KLK8: variants seen among roughly 807,000 people sequenced by gnomAD.
KLK8 encodes the protein kallikrein-8.
KLK8 carries 18 observed loss-of-function variants against 26.7 expected under a neutral mutation model. The observed-to-expected ratio is 0.67, with a 90% CI of 0.47 to 1.00. KLK8 has a LOEUF of 1.00. KLK8 is among the 50% of genes least tolerant of loss of function. The pLI is 0.00. For synonymous variants in KLK8, 137 were observed against 127.1 expected (o/e 1.08, Z -0.52); for missense variants, 301 against 331.7 (o/e 0.91, Z 0.72).
intron 5 of KLK8, among the ~76,000 whole-genome samples, chr19:50,999,583 CAAAAAAAAAAAAAAAAAAAAAA>C (rs56988162): frequency 5.7e-3 from 173 of 30,292 alleles, no homozygotes; most frequent in Middle Eastern, 0.023. Flanking sequence ...TGTCCCCCTG[CAAAAAAAAAAAAAAAAAAAAAA>C]AAAAAAAAAA....
intron 3 of KLK8, chr19:51,000,802 T>A: frequency 1.5e-6 from 2 of 1,378,018 alleles, no homozygotes; most frequent in Non-Finnish European, 2.0e-6. Flanking sequence ...TGCTTCCACA[T>A]GAGTCTACAG....
chr19:51,001,034 A>G, intron 3 of KLK8, 64 bp downstream of exon 2: 1 of 1,450,590 alleles, frequency 6.9e-7, no homozygotes, highest in Non-Finnish European at 9.5e-7. Flanking sequence ...ATTCCCACAG[A>G]CTCCCCAGCG....
chr19:50,999,683 C>T (rs1230186353), intron 5 of KLK8, among the ~76,000 whole-genome samples: 1 of 138,960 alleles, frequency 7.2e-6, no homozygotes, highest in Non-Finnish European at 1.5e-5. Context: ...CTGAGAAGTC[C>T]AAATATCCCA....
intron 5 of KLK8, 107 bp from the exon 5 acceptor site, chr19:50,997,991 A>T (rs915947074): frequency 1.5e-5 from 21 of 1,414,014 alleles, no homozygotes; most frequent in Non-Finnish European, 1.8e-5. Context: ...GGAGTTTTCC[A>T]GCTGCATGGG....
intron 2 of KLK8, 39 bp from the exon 2 acceptor site, chr19:51,001,214 A>G: frequency 6.4e-7 from 1 of 1,567,172 alleles, no homozygotes; most frequent in South Asian, 1.1e-5. Flanking sequence ...AACAGGAAGG[A>G]GGAGCCTGAG....
chr19:51,001,130 A>T, exon 3 of KLK8: 1 of 1,613,526 alleles, frequency 6.2e-7, no homozygotes, highest in South Asian at 1.1e-5. Flanking sequence ...GAGCAGGAAC[A>T]TCCACGTCTT....
chr19:51,000,573 C>T (rs1600125553), exon 4 of KLK8: 2 of 1,613,974 alleles, frequency 1.2e-6, no homozygotes, highest in South Asian at 1.1e-5. Context: ...CCTCCTGTGC[C>T]CTGGAGTGTC....
At chr19:50,997,929 T>C (rs2091185942) in intron 5 of KLK8, 45 bp from the exon 5 acceptor site, 1 of 1,610,390 alleles carries the variant, frequency 6.2e-7, no homozygotes, top group South Asian at 1.1e-5. Flanking sequence ...AGCAGCCCTT[T>C]GCCTCCATCC....
At chr19:51,000,844 C>G (rs572624848) in intron 3 of KLK8, 4 of 1,008,270 alleles carry the variant, frequency 4.0e-6, no homozygotes, top group Non-Finnish European at 5.7e-6. Flanking sequence ...ATCTATGCCC[C>G]CAAGCAAGCA....
At chr19:51,000,794 C>T in intron 3 of KLK8, 1 of 1,421,162 alleles carries the variant, frequency 7.0e-7, no homozygotes, top group East Asian at 2.4e-5. Flanking sequence ...CCCCCACATG[C>T]TTCCACATGA....
At chr19:50,999,137 G>C (rs1175678232) in intron 5 of KLK8, 1 of 152,142 alleles carries the variant, frequency 6.6e-6, no homozygotes, top group African/African-American at 2.4e-5. Context: ...CTGGATTCTG[G>C]AGTCCCAAAG....
At chr19:51,000,720 T>G in intron 3 of KLK8, 137 bp from the exon 3 acceptor site, 2 of 1,530,500 alleles carry the variant, frequency 1.3e-6, no homozygotes, top group Non-Finnish European at 1.8e-6. Flanking sequence ...TTCCACACGC[T>G]GCCACACGGG....
chr19:51,000,300 G>T, intron 4 of KLK8, 42 bp from the exon 4 acceptor site: 1 of 1,546,440 alleles, frequency 6.5e-7, no homozygotes, highest in South Asian at 1.2e-5. Context: ...CAGGGGTATT[G>T]CCCCCAGCCC....
Position 50,997,659 on chromosome 19 carries a change from C to A in KLK8, c.627+92G>T, listed in dbSNP as rs907162778. 22 of 1,417,682 alleles carry A rather than the reference C, an allele frequency of 1.6e-5. No individual in the cohort carries two copies. In the African/African-American group the frequency reaches 2.6e-4, roughly 17 times the overall value. The allele number at this position is 1,417,682 out of a possible 1,614,324, so 87.8% of individuals were successfully genotyped here. On this transcript the variant is annotated intron_variant, in intron 6 of 6. Coordinates refer to ENST00000600767, the Ensembl canonical transcript of KLK8. ...ACTCCGGGTGCCAAGTCTTTGGGGTCACTCCCTTACCACCCCCACCCCCAT... is the reference window on the plus strand; with the variant it reads ...ACTCCGGGTGCCAAGTCTTTGGGGTAACTCCCTTACCACCCCCACCCCCAT...
rs1600122190 is a variant in KLK8, at chr19:50,997,771, T to G, written c.607A>C (p.Lys203Gln). The G allele has an allele frequency of 1.4e-5, 22 of 1,614,024 alleles. No homozygotes were observed. The East Asian group carries it at 4.5e-4, about 33-fold the overall frequency. The change falls in exon 6 of 7, where the codon AAA (lysine) becomes CAA (glutamine). Residue 203 changes from lysine to glutamine, a missense_variant. Transcript: ENST00000600767. ...CTCACCTGGCACGTGTCAGCCCCTT[T>G]GCTGCTGCCTGCACAGACCATGCCA...
chr19:51,000,549 C>T (rs935340090), exon 4 of KLK8: 33 of 1,614,096 alleles, frequency 2.0e-5, no homozygotes, highest in Non-Finnish European at 2.8e-5. Context: ...ACTCATGACC[C>T]CCCAGCACCT....
exon 7 of KLK8, chr19:50,996,114 G>T (rs1208177737): frequency 6.2e-7 from 1 of 1,614,102 alleles, no homozygotes; most frequent in Admixed American, 1.7e-5. Flanking sequence ...GCAGATGTTG[G>T]TATAGACGCC....
At chr19:51,001,135 C>A in exon 3 of KLK8, 1 of 1,613,536 alleles carries the variant, frequency 6.2e-7, no homozygotes, top group South Asian at 1.1e-5. Flanking sequence ...GGAACATCCA[C>A]GTCTTGGCCG....
intron 5 of KLK8, among the ~76,000 whole-genome samples, chr19:50,999,699 G>C (rs1301315735): frequency 1.4e-5 from 2 of 142,648 alleles, no homozygotes; most frequent in Non-Finnish European, 3.0e-5. Flanking sequence ...TCCCAAGTGT[G>C]TTAAGATTAT....
Sources: allele counts gnomAD v4.1 joint callset (sites outside exome capture counted in the v4.1 genomes callset), GRCh38; gene constraint gnomAD v4.1.1; transcripts MANE v1.5; gene names NCBI Gene and HGNC (gene_info 2026-07-23, HGNC 2026-07-21).